Variants in PLCL1 observed in about 807,000 individuals in gnomAD.
PLCL1 encodes phospholipase C like 1 (inactive), also known as inactive phospholipase C-like protein 1.
PLCL1 carries 41 observed loss-of-function variants against 84.4 expected under a neutral mutation model. The observed-to-expected ratio is 0.49, with a 90% CI of 0.38 to 0.63. PLCL1 has a LOEUF of 0.63. PLCL1 is among the 30% of genes least tolerant of loss of function. The pLI is 0.00. For missense variants in PLCL1, 1,206 were observed against 1,367.8 expected, an observed-to-expected ratio of 0.88 and a Z score of 1.87; for synonymous variants, 490 against 488.3, an observed-to-expected ratio of 1.00 and a Z score of -0.05.
chr2:197,983,195 CTTTTCTTTTTT>C (rs1690149853), intron 1 of PLCL1, among the ~76,000 whole-genome samples: 6 of 51,704 alleles, frequency 1.2e-4, no homozygotes, highest in African/African-American at 4.0e-4. Context: ...TTTTTCTTTT[CTTTTCTTTTTT>C]TTTTTTTTTT....
chr2:198,116,014 T>G (rs1052422541), intron 5 of PLCL1, among the ~76,000 whole-genome samples: 34 of 148,046 alleles, frequency 2.3e-4, no homozygotes, highest in African/African-American at 6.1e-4. Context: ...CATATAAATA[T>G]ATAAATATAC....
rs115876989 is a variant in PLCL1, at chr2:198,114,034, T to C, written c.3105+10098T>C. 2.6e-3 allele frequency among the ~76,000 whole-genome samples: 397 copies of C among 151,746 alleles called. 1 individual carries two copies. Among genetic ancestry groups the C allele is most frequent in the African/African-American group, 9.2e-3 (383 of 41,452 alleles). On this transcript the variant is annotated intron_variant, in intron 5 of 5. Coordinates refer to ENST00000428675, the MANE Select transcript of PLCL1 (RefSeq NM_006226.4). Reference sequence around the variant, plus strand: ...AGAGAGAGTTATATAATATAGAATATTAGTATTAGTGTTAGATATATGGGT... The same window carrying C: ...AGAGAGAGTTATATAATATAGAATACTAGTATTAGTGTTAGATATATGGGT...
At chr2:198,037,093 G>C (rs754403105) in intron 1 of PLCL1, among the ~76,000 whole-genome samples, 7 of 152,160 alleles carry the variant, frequency 4.6e-5, no homozygotes, top group Non-Finnish European at 8.8e-5. Flanking sequence ...AAATATTTTT[G>C]CTACTCCACA....
chr2:198,083,445 G>A (rs1410498075), intron 1 of PLCL1, among the ~76,000 whole-genome samples: 1 of 152,176 alleles, frequency 6.6e-6, no homozygotes, highest in Non-Finnish European at 1.5e-5. Context: ...AATTGAGCTA[G>A]GTAGTCGAGG....
chr2:198,127,706 T>C (rs967320786), intron 5 of PLCL1, among the ~76,000 whole-genome samples: 2 of 152,176 alleles, frequency 1.3e-5, no homozygotes, highest in Non-Finnish European at 2.9e-5. Context: ...TTTATATGCT[T>C]AGAATGACTT....
intron 1 of PLCL1, among the ~76,000 whole-genome samples, chr2:197,822,921 G>C (rs1454043799): frequency 6.6e-6 from 1 of 152,146 alleles, no homozygotes; most frequent in African/African-American, 2.4e-5. Context: ...TCCTGAATTT[G>C]AGAGGATATG....
At chr2:197,813,583 A>C (rs935232110) in intron 1 of PLCL1, among the ~76,000 whole-genome samples, 1 of 151,974 alleles carries the variant, frequency 6.6e-6, no homozygotes, top group Non-Finnish European at 1.5e-5. Context: ...TAACATCTTG[A>C]ATTGGTTTTC....
chr2:197,901,627 TGAGA>T (rs985862818), intron 1 of PLCL1, among the ~76,000 whole-genome samples: 1 of 151,790 alleles, frequency 6.6e-6, no homozygotes, highest in African/African-American at 2.4e-5. Context: ...TATTTCCAAC[TGAGA>T]GAGAGAGAGG....
At position 197,804,908 on chromosome 2, in the gene PLCL1, T is replaced by C; in HGVS notation, c.-192T>C. On this transcript the variant is annotated 5_prime_UTR_variant, in exon 1 of 6. Coordinates refer to ENST00000428675, the MANE Select transcript of PLCL1 (RefSeq NM_006226.4). ...CCTCCTAGACCGAAGCCCGAGGACG[T>C]CTCTGCCCGAGCGATGTCCCCTCTC... The C allele has an allele frequency of 1.8e-6, 1 of 553,140 alleles. No individual in the cohort carries two copies. Among genetic ancestry groups the C allele is most frequent in the Non-Finnish European group, 3.0e-6 (1 of 334,786 alleles). The allele number at this position is 553,140 out of a possible 1,614,324, so 34.3% of individuals were successfully genotyped here.
chr2:197,948,381 G>A (rs1689322901), intron 1 of PLCL1, among the ~76,000 whole-genome samples: 1 of 152,150 alleles, frequency 6.6e-6, no homozygotes, highest in Non-Finnish European at 1.5e-5. Context: ...AAAGGGAGTG[G>A]GACTGAGGGT....
intron 1 of PLCL1, among the ~76,000 whole-genome samples, chr2:197,922,886 G>A (rs1184968378): frequency 1.3e-4 from 17 of 132,604 alleles, no homozygotes; most frequent in East Asian, 5.1e-4. Context: ...CAGACGGGGC[G>A]GCTGGCCGGG....
At chr2:197,899,679 A>G (rs1477288883) in intron 1 of PLCL1, among the ~76,000 whole-genome samples, 10 of 126,030 alleles carry the variant, frequency 7.9e-5, no homozygotes, top group Admixed American at 2.9e-4. Flanking sequence ...TCTGTCGCCC[A>G]GGCTGGAGTG....
chr2:198,088,051 C>A (rs566853703), intron 2 of PLCL1, among the ~76,000 whole-genome samples: 1 of 152,106 alleles, frequency 6.6e-6, no homozygotes, highest in African/African-American at 2.4e-5. Context: ...TAGTTATAAA[C>A]CATTTCTGCA....
intron 1 of PLCL1, among the ~76,000 whole-genome samples, chr2:198,036,474 C>T (rs1422565758): frequency 6.6e-6 from 1 of 152,178 alleles, no homozygotes; most frequent in Admixed American, 6.5e-5. Flanking sequence ...TTGATAAAAT[C>T]TGGATAAGTT....
chr2:197,871,276 C>G (rs1208228752), intron 1 of PLCL1, among the ~76,000 whole-genome samples: 2 of 151,958 alleles, frequency 1.3e-5, no homozygotes, highest in Admixed American at 6.6e-5. Context: ...GGAGAGAAAC[C>G]CCTAGTCTTC....
chr2:197,974,076 A>T (rs972845879), intron 1 of PLCL1, among the ~76,000 whole-genome samples: 1 of 152,208 alleles, frequency 6.6e-6, no homozygotes, highest in Admixed American at 6.5e-5. Flanking sequence ...CTGTAAGAGA[A>T]TAAGAAAAGG....
intron 1 of PLCL1, among the ~76,000 whole-genome samples, chr2:197,972,555 T>A (rs969708991): frequency 2.0e-5 from 3 of 152,218 alleles, no homozygotes; most frequent in Non-Finnish European, 4.4e-5. Context: ...TTCACTTTTA[T>A]CCATCTTTAA....
chr2:197,890,434 G>C (rs1042312472), intron 1 of PLCL1, among the ~76,000 whole-genome samples: 9 of 151,978 alleles, frequency 5.9e-5, no homozygotes, highest in Non-Finnish European at 1.0e-4. Flanking sequence ...CCTGTCCTTG[G>C]AAGGAGAATA....
intron 5 of PLCL1, among the ~76,000 whole-genome samples, chr2:198,132,205 G>A (rs1331371264): frequency 2.6e-5 from 4 of 152,132 alleles, no homozygotes; most frequent in Non-Finnish European, 1.5e-5. Flanking sequence ...CTGGCATCAG[G>A]ACATCTCATA....
Sources: allele counts gnomAD v4.1 joint callset (sites outside exome capture counted in the v4.1 genomes callset), GRCh38; gene constraint gnomAD v4.1.1; transcripts MANE v1.5; gene names NCBI Gene and HGNC (gene_info 2026-07-23, HGNC 2026-07-21).